MUC7: variants seen among roughly 807,000 people sequenced by gnomAD.
The protein encoded by MUC7 is mucin 7, secreted.
MUC7 carries 2 observed loss-of-function variants against 2.5 expected under a neutral mutation model. The ratio of observed to expected loss-of-function variants is 0.81; its 90% CI spans 0.33 to 2.55. The LOEUF (loss-of-function observed/expected upper bound fraction) is 2.55. Ranked by LOEUF, MUC7 falls within the 30% of genes most tolerant of loss-of-function variation. The pLI, the probability that MUC7 is intolerant of heterozygous loss-of-function variation, is 0.11. For synonymous variants in MUC7, 133 were observed against 173.4 expected (o/e 0.77, Z 1.83); for missense variants, 408 against 455.6 (o/e 0.90, Z 0.95).
At chr4:70,455,032 T>G (rs1399804808) in intron 1 of MUC7, among the ~76,000 whole-genome samples, 4 of 152,120 alleles carry the variant, frequency 2.6e-5, no homozygotes, top group African/African-American at 9.7e-5. Context: ...TCCATTTATA[T>G]TTTATATTTT....
intron 1 of MUC7, among the ~76,000 whole-genome samples, chr4:70,438,907 T>C (rs530464195): frequency 6.6e-6 from 1 of 152,334 alleles, no homozygotes; most frequent in South Asian, 2.1e-4. Context: ...GATTTATGCA[T>C]TCAACATACA....
chr4:70,468,608 C>T (rs923574845), upstream of MUC7, among the ~76,000 whole-genome samples: 1 of 152,252 alleles, frequency 6.6e-6, no homozygotes, highest in East Asian at 1.9e-4. Context: ...CATTCCTATA[C>T]ACTAATAATA....
chr4:70,442,712 G>A (rs556033694), intron 1 of MUC7, among the ~76,000 whole-genome samples: 184 of 152,246 alleles, frequency 1.2e-3, no homozygotes, highest in South Asian at 9.1e-3. Context: ...CCAGATGAGG[G>A]ATCCCTTTTG....
chr4:70,464,358 T>C (rs1734628359), intron 1 of MUC7, among the ~76,000 whole-genome samples: 1 of 152,110 alleles, frequency 6.6e-6, no homozygotes, highest in South Asian at 2.1e-4. Flanking sequence ...CAGAAGTTTT[T>C]TTCATACCCC....
At chr4:70,465,267 T>C (rs1345346763) in intron 1 of MUC7, among the ~76,000 whole-genome samples, 1 of 152,100 alleles carries the variant, frequency 6.6e-6, no homozygotes, top group East Asian at 1.9e-4. Flanking sequence ...CAAAGACCAA[T>C]GGTAGATAAA....
chr4:70,459,795 T>C (rs1303658840), intron 1 of MUC7, among the ~76,000 whole-genome samples: 1 of 152,102 alleles, frequency 6.6e-6, no homozygotes, highest in Non-Finnish European at 1.5e-5. Context: ...ATCTCTAATC[T>C]CCAGGGAGCC....
intron 1 of MUC7, among the ~76,000 whole-genome samples, chr4:70,462,969 A>AAATGAATGAATGAATGAATG (rs145384221): frequency 3.3e-5 from 5 of 151,816 alleles, no homozygotes; most frequent in African/African-American, 1.2e-4. Context: ...TTGTCTCTAA[A>AAATGAATGAATGAATGAATG]AATGAATGAA....
chr4:70,455,647 T>A (rs1224160299), intron 1 of MUC7, among the ~76,000 whole-genome samples: 2 of 152,254 alleles, frequency 1.3e-5, no homozygotes, highest in East Asian at 3.9e-4. Context: ...TATAATAAAA[T>A]TTTTATCTAC....
chr4:70,478,459 G>A (rs570068202), intron 2 of MUC7, among the ~76,000 whole-genome samples: 3 of 152,240 alleles, frequency 2.0e-5, no homozygotes, highest in East Asian at 3.9e-4. Flanking sequence ...TTAGACTTTG[G>A]ATCTGGAATT....
intron 1 of MUC7, among the ~76,000 whole-genome samples, chr4:70,448,836 A>T (rs1734207786): frequency 6.6e-6 from 1 of 152,186 alleles, no homozygotes; most frequent in Non-Finnish European, 1.5e-5. Flanking sequence ...ATTACTCAAG[A>T]AATCTTTGCC....
chr4:70,477,045 G>A (rs929751603), intron 2 of MUC7, among the ~76,000 whole-genome samples: 1 of 152,160 alleles, frequency 6.6e-6, no homozygotes, highest in East Asian at 1.9e-4. Flanking sequence ...AAGGATCACA[G>A]ATTTTCAAAT....
At chr4:70,459,289 A>T (rs1734491583) in intron 1 of MUC7, among the ~76,000 whole-genome samples, 1 of 152,214 alleles carries the variant, frequency 6.6e-6, no homozygotes, top group South Asian at 2.1e-4. Flanking sequence ...AGGGACATGG[A>T]TGAAATTGGA....
At chr4:70,434,824 G>T (rs186000225) in intron 1 of MUC7, among the ~76,000 whole-genome samples, 4 of 152,124 alleles carry the variant, frequency 2.6e-5, no homozygotes, top group South Asian at 4.2e-4. Context: ...GATCTTTCCT[G>T]CTTTCTCTTG....
At chr4:70,474,561 G>T (rs888049928) in intron 2 of MUC7, among the ~76,000 whole-genome samples, 3 of 136,608 alleles carry the variant, frequency 2.2e-5, no homozygotes, top group African/African-American at 7.5e-5. Context: ...TAGGTAGATA[G>T]ACTAGGTAGG....
intron 1 of MUC7, among the ~76,000 whole-genome samples, chr4:70,444,274 T>G (rs1734074231): frequency 6.6e-6 from 1 of 152,322 alleles, no homozygotes; most frequent in East Asian, 1.9e-4. Context: ...CTTCCACACC[T>G]GCTTCCACTG....
At chr4:70,476,524 G>A (rs1045530339) in intron 2 of MUC7, among the ~76,000 whole-genome samples, 5 of 152,190 alleles carry the variant, frequency 3.3e-5, no homozygotes, top group African/African-American at 1.2e-4. Context: ...ATATGAGAAG[G>A]TAGCACAGAA....
At chr4:70,479,297 G>A (rs1735101470) in intron 2 of MUC7, among the ~76,000 whole-genome samples, 1 of 152,146 alleles carries the variant, frequency 6.6e-6, no homozygotes, top group Non-Finnish European at 1.5e-5. Context: ...CCTCACGATG[G>A]TCCCTGTTTC....
intron 1 of MUC7, among the ~76,000 whole-genome samples, chr4:70,431,900 C>T (rs531561353): frequency 9.9e-5 from 15 of 152,042 alleles, no homozygotes; most frequent in Non-Finnish European, 1.6e-4. Flanking sequence ...CTCCCCTCTG[C>T]CCCCACCCCA....
chr4:70,479,112 C>G (rs2109747162), intron 2 of MUC7, among the ~76,000 whole-genome samples: 1 of 152,290 alleles, frequency 6.6e-6, no homozygotes, highest in East Asian at 1.9e-4. Context: ...TTAGTCTGTC[C>G]TATGTCTGGC....
Sources: allele counts gnomAD v4.1 joint callset (sites outside exome capture counted in the v4.1 genomes callset), GRCh38; gene constraint gnomAD v4.1.1; transcripts MANE v1.5; gene names NCBI Gene and HGNC (gene_info 2026-07-23, HGNC 2026-07-21).